OSGEPL1: variants seen among roughly 807,000 people sequenced by gnomAD.
The protein encoded by OSGEPL1 is tRNA N6-adenosine threonylcarbamoyltransferase, mitochondrial.
Under a neutral mutation model 37.2 loss-of-function variants are expected in OSGEPL1, and 26 were observed. The ratio of observed to expected loss-of-function variants is 0.70; its 90% CI spans 0.51 to 0.97. OSGEPL1 has a LOEUF of 0.97. Among genes scored for constraint, OSGEPL1 ranks in the 50% least tolerant of loss-of-function variants. The pLI, the probability that OSGEPL1 is intolerant of heterozygous loss-of-function variation, is 0.00. For synonymous variants in OSGEPL1, 140 were observed against 159.9 expected (o/e 0.88, Z 0.94); for missense variants, 404 against 487.0 (o/e 0.83, Z 1.60).
At position 189,746,722 on chromosome 2, in the gene OSGEPL1, C is replaced by T. The variant is rs2044213389; in HGVS notation, c.*475G>A. On this transcript the variant is annotated 3_prime_UTR_variant, in exon 9 of 9. Coordinates refer to ENST00000264151, the MANE Select transcript of OSGEPL1 (RefSeq NM_022353.3). ...TATGCAAATAACATAACTGAATAAT[C>T]TTTTTGAATGAAAGTTCTTGATCTC... 1.3e-5 allele frequency: 17 copies of T among 1,300,042 alleles called. No homozygotes were observed. Among genetic ancestry groups the T allele is most frequent in the South Asian group, 1.2e-4 (7 of 56,450 alleles). The allele number at this position is 1,300,042 out of a possible 1,614,324, so 80.5% of individuals were successfully genotyped here. A position where few individuals can be genotyped will look rare whatever the true frequency, so the allele number is the denominator to read the frequency against.
At chr2:189,754,868 G>T in intron 3 of OSGEPL1, 6 of 330,816 alleles carry the variant, frequency 1.8e-5, no homozygotes, top group East Asian at 1.5e-4. Context: ...TACCTTTTTT[G>T]CAGTATGTTA....
rs555046601 is a variant in OSGEPL1, at chr2:189,750,138, T to C, written c.*28+412A>G. Among the ~76,000 whole-genome samples, 8 of 152,012 alleles carry C rather than the reference T, an allele frequency of 5.3e-5. 1 individual carries two copies. In the East Asian group the frequency reaches 1.6e-3, roughly 29 times the overall value. On this transcript the variant is annotated intron_variant, in intron 8 of 8. Coordinates refer to ENST00000264151, the MANE Select transcript of OSGEPL1 (RefSeq NM_022353.3). The stretch of plus-strand genomic sequence containing the variant: ...GGAGATTATCTCCAAAAAATAATAA[T>C]GATAAAAAAAAATTAAACTGCTCTC...
At position 189,747,094 on chromosome 2, in the gene OSGEPL1, T is replaced by C. The variant is rs1433704158; in HGVS notation, c.*103A>G. 6.5e-6 allele frequency: 1 copy of C among 153,392 alleles called. No individual in the cohort carries two copies. The highest frequency in any genetic ancestry group is 2.4e-5 in the African/African-American group (1 of 41,414). The allele number at this position is 153,392 out of a possible 1,614,324, so 9.5% of individuals were successfully genotyped here. ...CTCACACCCATAATCCCAGCACTTC[T>C]GGAGGCCAAGGTGGGAGGATCACTT... is the stretch of plus-strand genomic sequence containing the variant. On this transcript the variant is annotated 3_prime_UTR_variant, in exon 9 of 9. Coordinates refer to ENST00000264151, the MANE Select transcript of OSGEPL1 (RefSeq NM_022353.3).
intron 8 of OSGEPL1, among the ~76,000 whole-genome samples, chr2:189,749,352 A>G (rs1194835025): frequency 6.7e-6 from 1 of 148,708 alleles, no homozygotes; most frequent in Non-Finnish European, 1.5e-5. Context: ...GGAGGATTAC[A>G]TGAGCCTAGG....
chr2:189,748,415 G>A (rs2044505779), intron 8 of OSGEPL1, among the ~76,000 whole-genome samples: 2 of 152,136 alleles, frequency 1.3e-5, no homozygotes, highest in South Asian at 4.1e-4. Context: ...GGAAGCTGAG[G>A]TCTCTGCTAT....
At chr2:189,760,064 C>T (rs151052089) in intron 2 of OSGEPL1, among the ~76,000 whole-genome samples, 15,973 of 152,098 alleles carry the variant, frequency 0.11, 982 homozygotes, top group Middle Eastern at 0.16. Context: ...TCAGAGAGCA[C>T]GGGGTTGGGG....
At chr2:189,763,130 A>T (rs886607391), upstream of OSGEPL1, 1 of 984,698 alleles carries the variant, frequency 1.0e-6, no homozygotes, top group Non-Finnish European at 1.2e-6. Context: ...TTTTTAAGGG[A>T]ACTATCATCA....
At chr2:189,747,711 G>A (rs532749097) in intron 8 of OSGEPL1, among the ~76,000 whole-genome samples, 15 of 151,812 alleles carry the variant, frequency 9.9e-5, no homozygotes, top group African/African-American at 3.6e-4. Context: ...TTATTTATTC[G>A]AGATGGAGTC....
chr2:189,760,544 G>T (rs2046883322), intron 2 of OSGEPL1, among the ~76,000 whole-genome samples: 1 of 152,208 alleles, frequency 6.6e-6, no homozygotes, highest in Non-Finnish European at 1.5e-5. Flanking sequence ...TGTAATCCCT[G>T]CACTTTGGGA....
rs762909000 is a variant in OSGEPL1 at position 189,750,617 on chromosome 2, T to C, written c.1206A>G (p.Glu402=). ...TTAATTGTGGTACTTTTATGGAAGC[T>C]TCTCCAACTTCTTTTGATATGTCTA... is the stretch of plus-strand genomic sequence containing the variant. ...LGVDISKEVG[E]ASIKVPQLKM... Residue 402 remains glutamate, a synonymous_variant, in exon 8 of 9, where the codon GAA becomes GAG. Transcript: ENST00000264151. 1 of 1,592,264 alleles carries C rather than the reference T, an allele frequency of 6.3e-7. No homozygotes were observed. Among genetic ancestry groups the C allele is most frequent in the East Asian group, 2.3e-5 (1 of 44,288 alleles).
chr2:189,754,200 G>GA lies in OSGEPL1; in HGVS notation c.754dup (p.Ser252PhefsTer10), dbSNP rs1351914372. 1.9e-6 allele frequency: 3 copies of GA among 1,613,696 alleles called. No homozygotes were observed. Among genetic ancestry groups the GA allele is most frequent in the African/African-American group, 1.3e-5 (1 of 75,014 alleles). On this transcript the variant is annotated frameshift_variant, in exon 4 of 9. Coordinates refer to ENST00000264151, the MANE Select transcript of OSGEPL1 (RefSeq NM_022353.3). LOFTEE classifies it high-confidence loss of function. ...AGTAACGTGTTGAAGTCCAGTAAAA[G>GA]AAAAATCACAATTTTTAGCATGATG...
At position 189,761,605 on chromosome 2, in the gene OSGEPL1, A is replaced by C; in HGVS notation, c.36T>G (p.Phe12Leu). 1 of 1,603,020 alleles carries C rather than the reference A, an allele frequency of 6.2e-7. No homozygotes were observed. The highest frequency in any genetic ancestry group is 1.1e-5 in the South Asian group (1 of 89,298). ...CATAAACTTTCCTTTTTGATGGTTT[A>C]AAAAAAACTCCTGCAGTCTTAGTCA... ...LILTKTAGVF[F>L]KPSKRKVYEF... is the part of the protein sequence containing the mutation. Residue 12 changes from phenylalanine to leucine, a missense_variant, in exon 2 of 9, where the codon TTT becomes TTG. Transcript: ENST00000264151.
At chr2:189,753,895 A>G (rs1221176630) in intron 5 of OSGEPL1, 21 bp downstream of exon 5, 4 of 1,610,088 alleles carry the variant, frequency 2.5e-6, no homozygotes, top group Non-Finnish European at 3.4e-6. Flanking sequence ...AACTATTACT[A>G]TAAAATGAGA....
intron 3 of OSGEPL1, chr2:189,754,835 A>G: frequency 3.5e-6 from 1 of 283,142 alleles, no homozygotes; most frequent in Non-Finnish European, 6.6e-6. Flanking sequence ...TCCTTATGTT[A>G]ATCTATATAT....
chr2:189,759,113 T>C (rs1466183701), intron 2 of OSGEPL1, among the ~76,000 whole-genome samples: 3 of 152,214 alleles, frequency 2.0e-5, no homozygotes, highest in East Asian at 1.9e-4. Context: ...ACCAAGGACT[T>C]TGCAGTACTT....
At chr2:189,759,479 T>C (rs952752230) in intron 2 of OSGEPL1, among the ~76,000 whole-genome samples, 3 of 152,178 alleles carry the variant, frequency 2.0e-5, no homozygotes, top group Non-Finnish European at 2.9e-5. Flanking sequence ...CTCAATCTCC[T>C]GACCTCATGG....
Position 189,752,875 on chromosome 2 carries a change from G to A in OSGEPL1, c.1068C>T (p.Cys356=), listed in dbSNP as rs560898392. The change falls in exon 6 of 9, where the codon TGC becomes TGT. Residue 356 remains cysteine (C), a synonymous_variant. Transcript: ENST00000264151. ...ATGCAATCATAATGCCATTATCAGT[G>A]CATAGTCTGGGAGGAGGACACAACA... ...CTLLCPPPRL[C]TDNGIMIAWN... 6.8e-6 allele frequency: 11 copies of A among 1,613,866 alleles called. No homozygotes were observed. Among genetic ancestry groups the A allele is most frequent in the South Asian group, 6.6e-5 (6 of 91,064 alleles).
At chr2:189,762,612 G>A (rs1053703614) in intron 1 of OSGEPL1, 73 bp downstream of exon 1, 6 of 985,298 alleles carry the variant, frequency 6.1e-6, no homozygotes, top group African/African-American at 3.5e-5. Context: ...AGGCGGCGAC[G>A]GGCGCAAACT....
rs762259263 is a variant in OSGEPL1 at position 189,754,083 on chromosome 2, A to C, written c.815-19T>G. 4.3e-6 allele frequency: 7 copies of C among 1,612,002 alleles called. No individual in the cohort carries two copies. In the South Asian group the frequency reaches 7.7e-5, roughly 18 times the overall value. On this transcript the variant is annotated intron_variant, in intron 4 of 8. Coordinates refer to ENST00000264151, the MANE Select transcript of OSGEPL1 (RefSeq NM_022353.3). ...TCAATACCTGCAGAAATGAGCAGCT[A>C]TTTTTAGGCACAATCCAGGAATATT...
Sources: allele counts gnomAD v4.1 joint callset (sites outside exome capture counted in the v4.1 genomes callset), GRCh38; gene constraint gnomAD v4.1.1; transcripts MANE v1.5; gene names NCBI Gene and HGNC (gene_info 2026-07-23, HGNC 2026-07-21).